Variants in B4GALT2 observed in about 807,000 individuals in gnomAD.
The protein encoded by B4GALT2 is N-acetyllactosamine synthase.
Under a neutral mutation model 33.2 loss-of-function variants are expected in B4GALT2, and 18 were observed. That is an observed-to-expected ratio of 0.54 (90% CI 0.38 to 0.80). The LOEUF (loss-of-function observed/expected upper bound fraction) is 0.80. Among genes scored for constraint, B4GALT2 ranks in the 30% least tolerant of loss-of-function variants. B4GALT2 has a pLI of 0.00. For synonymous variants in B4GALT2, 214 were observed against 217.6 expected (o/e 0.98, Z 0.15); for missense variants, 404 against 526.2 (o/e 0.77, Z 2.27).
intron 6 of B4GALT2, among the ~76,000 whole-genome samples, chr1:43,986,773 G>T (rs1464404443): frequency 6.6e-6 from 1 of 152,182 alleles, no homozygotes; most frequent in African/African-American, 2.4e-5. Flanking sequence ...GGCGGGGTGG[G>T]GTTTGTGTTT....
At chr1:43,985,433 T>C in intron 5 of B4GALT2, 33 bp downstream of exon 5, 2 of 143,548 alleles carry the variant, frequency 1.4e-5, no homozygotes, top group East Asian at 2.6e-4. Context: ...ATAGGCTGGG[T>C]GGGGGGGGGA....
Position 43,981,334 on chromosome 1 carries a change from TAGCAGCAGCAGC to T in B4GALT2, c.185_196del (p.Ser62_Ser65del). The T allele has an allele frequency of 6.2e-7, 1 of 1,601,402 alleles. No homozygotes were observed. The highest frequency in any genetic ancestry group is 2.2e-5 in the East Asian group (1 of 44,862). On this transcript the variant is annotated inframe_deletion, in exon 2 of 7. Coordinates refer to ENST00000372324, the MANE Select transcript of B4GALT2 (RefSeq NM_003780.5). The surrounding 1 kb of genome is among the most constrained non-coding windows in gnomAD (Gnocchi z 8.1). ...CTGCCCATGCCCTCCACCCAGCTGC[TAGCAGCAGCAGC>T]AGCAGCAGCAACTGCTCCCGGCCCA...
chr1:43,990,927 AG>A lies in B4GALT2; in HGVS notation c.*484del. 5.9e-6 allele frequency: 1 copy of A among 170,102 alleles called. No homozygotes were observed. The highest frequency in any genetic ancestry group is 1.3e-5 in the Non-Finnish European group (1 of 77,010). 10.5% of individuals were successfully genotyped at this position (170,102 alleles called of 1,614,324 possible). A position where few individuals can be genotyped will look rare whatever the true frequency, so the allele number is the denominator to read the frequency against. On this transcript the variant is annotated 3_prime_UTR_variant, in exon 7 of 7. Coordinates refer to ENST00000372324, the MANE Select transcript of B4GALT2 (RefSeq NM_003780.5). Reference sequence around the variant, plus strand: ...GGAAACCTTTTTCATTCAACATTGTAGGGGGCAAGCTTTGGTGCGCCCCCTG... The same window carrying A: ...GGAAACCTTTTTCATTCAACATTGTAGGGGCAAGCTTTGGTGCGCCCCCTG...
In B4GALT2 at chr1:43,979,739, C is replaced by G. The variant is rs972486385; in HGVS notation, c.-53+228C>G. On this transcript the variant is annotated intron_variant, in intron 1 of 6. Coordinates refer to ENST00000372324, the MANE Select transcript of B4GALT2 (RefSeq NM_003780.5). This position sits in a 1 kb window ranked among gnomAD's most constrained non-coding sequence, Gnocchi z 4.8. Reference sequence around the variant, plus strand: ...CCTCCCTCATTGTCCTCGCTCGCCCCGGCCTCGTGGCGCGGGGAGGCGTTC... The same window carrying G: ...CCTCCCTCATTGTCCTCGCTCGCCCGGGCCTCGTGGCGCGGGGAGGCGTTC... 1.4e-4 allele frequency: 54 copies of G among 397,210 alleles called. No homozygotes were observed. Among genetic ancestry groups the G allele is most frequent in the Admixed American group, 8.3e-4 (18 of 21,772 alleles). 24.6% of individuals were successfully genotyped at this position (397,210 alleles called of 1,614,324 possible).
chr1:43,987,951 T>C (rs2085677468), intron 6 of B4GALT2, among the ~76,000 whole-genome samples: 1 of 152,140 alleles, frequency 6.6e-6, no homozygotes. Flanking sequence ...CCCTCTTGTC[T>C]CTCTTAGCAC....
Position 43,982,432 on chromosome 1 carries a change from C to T in B4GALT2, c.549+508C>T, listed in dbSNP as rs913746083. 6.6e-5 allele frequency among the ~76,000 whole-genome samples: 10 copies of T among 152,154 alleles called. No individual in the cohort carries two copies. Among genetic ancestry groups the T allele is most frequent in the African/African-American group, 2.4e-4 (10 of 41,516 alleles). Reference sequence around the variant, plus strand: ...AGACCTCCTAGACTTGGACATGGGTCCCTCCCGTATGATGGGACACAAGTG... The same window carrying T: ...AGACCTCCTAGACTTGGACATGGGTTCCTCCCGTATGATGGGACACAAGTG... On this transcript the variant is annotated intron_variant, in intron 3 of 6. Transcript: ENST00000372324. This position sits in a 1 kb window ranked among gnomAD's most constrained non-coding sequence, Gnocchi z 4.3.
In B4GALT2 at chr1:43,981,508, A is replaced by G. The variant is rs763585302; in HGVS notation, c.313+35A>G. 1 of 1,538,946 alleles carries G rather than the reference A, an allele frequency of 6.5e-7. No individual in the cohort carries two copies. The highest frequency in any genetic ancestry group is 1.9e-5 in the Admixed American group (1 of 52,848). On this transcript the variant is annotated intron_variant, in intron 2 of 6. Coordinates refer to ENST00000372324, the MANE Select transcript of B4GALT2 (RefSeq NM_003780.5). The surrounding 1 kb of genome is among the most constrained non-coding windows in gnomAD (Gnocchi z 8.1). ...GAGGGTAGGGCCTGCCTGTGGGGAA[A>G]CAGGGTTTTATTGGTTTGACTAGAG...
At chr1:43,989,199 C>T (rs2085694201) in intron 6 of B4GALT2, among the ~76,000 whole-genome samples, 1 of 151,852 alleles carries the variant, frequency 6.6e-6, no homozygotes, top group East Asian at 1.9e-4. Context: ...ATACAAAAAT[C>T]AGCTGGCGCA....
In B4GALT2 at chr1:43,985,625, A is replaced by G. The variant is rs1186377167; in HGVS notation, c.968+4A>G. On this transcript the variant is annotated splice_donor_region_variant and intron_variant, in intron 6 of 6. Coordinates refer to ENST00000372324, the MANE Select transcript of B4GALT2 (RefSeq NM_003780.5). ...ATAACGAACCTAACCCTCAGAGGTGACCCCAGCACCCTCACCCCTTACTCC... is the reference window on the plus strand; with the variant it reads ...ATAACGAACCTAACCCTCAGAGGTGGCCCCAGCACCCTCACCCCTTACTCC... 6.2e-7 allele frequency: 1 copy of G among 1,613,190 alleles called. No homozygotes were observed. Among genetic ancestry groups the G allele is most frequent in the African/African-American group, 1.3e-5 (1 of 74,738 alleles).
chr1:43,986,740 T>C (rs2085663386), intron 6 of B4GALT2, among the ~76,000 whole-genome samples: 1 of 152,120 alleles, frequency 6.6e-6, no homozygotes, highest in South Asian at 2.1e-4. Flanking sequence ...TGGGGAGTCA[T>C]GGAAGAACCT....
rs947433955 is a variant in B4GALT2 at position 43,990,552 on chromosome 1, GCT to G, written c.*107_*108del. 40 of 1,496,408 alleles carry G rather than the reference GCT, an allele frequency of 2.7e-5. No individual in the cohort carries two copies. In the African/African-American group the frequency reaches 4.4e-4, roughly 17 times the overall value. 92.7% of individuals were successfully genotyped at this position (1,496,408 alleles called of 1,614,324 possible). A position where few individuals can be genotyped will look rare whatever the true frequency, so the allele number is the denominator to read the frequency against. On this transcript the variant is annotated 3_prime_UTR_variant, in exon 7 of 7. Transcript: ENST00000372324. ...GGAGGACCTCCAGGACTGAGACTGG[GCT>G]CTGTTTTCCAAGGGTCTTCACTAGG...
Position 43,981,101 on chromosome 1 carries a change from C to G in B4GALT2, c.-52-8C>G, listed in dbSNP as rs1171052047. On this transcript the variant is annotated splice_region_variant and splice_polypyrimidine_tract_variant and intron_variant, in intron 1 of 6. Coordinates refer to ENST00000372324, the MANE Select transcript of B4GALT2 (RefSeq NM_003780.5). This position sits in a 1 kb window ranked among gnomAD's most constrained non-coding sequence, Gnocchi z 8.1. Reference sequence around the variant, plus strand: ...CTGCTGGATCTGTTTCCCTCCCACCCTGCTCAGGCCAGCAGCCGGATGCCC... The same window carrying G: ...CTGCTGGATCTGTTTCCCTCCCACCGTGCTCAGGCCAGCAGCCGGATGCCC... The G allele has an allele frequency of 1.0e-5, 16 of 1,566,884 alleles. No individual in the cohort carries two copies. Among genetic ancestry groups the G allele is most frequent in the Non-Finnish European group, 1.4e-5 (16 of 1,162,602 alleles).
chr1:43,990,476 G>T lies in B4GALT2; in HGVS notation c.*28G>T. ...CTAATGGACAGAGGCTCTCGGTGCC[G>T]AAGATTGCCTGCCAGAGGACTGACC... On this transcript the variant is annotated 3_prime_UTR_variant, in exon 7 of 7. Transcript: ENST00000372324. The T allele has an allele frequency of 6.2e-7, 1 of 1,613,312 alleles. No homozygotes were observed. Among genetic ancestry groups the T allele is most frequent in the Non-Finnish European group, 8.5e-7 (1 of 1,179,848 alleles).
chr1:43,989,741 C>T (rs956449393), intron 6 of B4GALT2, among the ~76,000 whole-genome samples: 2 of 152,224 alleles, frequency 1.3e-5, no homozygotes, highest in Admixed American at 6.5e-5. Flanking sequence ...GAGAAAGTTA[C>T]TGAGATCAGT....
intron 6 of B4GALT2, among the ~76,000 whole-genome samples, chr1:43,989,320 CAA>C (rs34161254): frequency 5.8e-4 from 68 of 118,162 alleles, no homozygotes; most frequent in African/African-American, 1.9e-3. Flanking sequence ...TACTCTGTCT[CAA>C]AAAAAAAAAA....
intron 5 of B4GALT2, 28 bp from the exon 6 acceptor site, chr1:43,985,489 G>T: frequency 6.3e-7 from 1 of 1,596,442 alleles, no homozygotes; most frequent in South Asian, 1.1e-5. Context: ...CCTGGAGCCT[G>T]TTCCAGTCTG....
chr1:43,985,681 T>C, intron 6 of B4GALT2, 60 bp downstream of exon 6: 2 of 1,540,900 alleles, frequency 1.3e-6, no homozygotes, highest in Middle Eastern at 1.7e-4. Flanking sequence ...TCCCCAACTC[T>C]TGACCCCAAG....
intron 4 of B4GALT2, 107 bp from the exon 5 acceptor site, chr1:43,985,171 C>A: frequency 6.4e-7 from 1 of 1,563,026 alleles, no homozygotes; most frequent in Non-Finnish European, 8.7e-7. Context: ...ACTGGCGAGG[C>A]TGGATCCTCC....
rs1245034200 is a variant in B4GALT2, at chr1:43,981,939, G to A, written c.549+15G>A. 4 of 1,611,550 alleles carry A rather than the reference G, an allele frequency of 2.5e-6. No individual in the cohort carries two copies. The highest frequency in any genetic ancestry group is 3.4e-6 in the Non-Finnish European group (4 of 1,178,280). On this transcript the variant is annotated intron_variant, in intron 3 of 6. Coordinates refer to ENST00000372324, the MANE Select transcript of B4GALT2 (RefSeq NM_003780.5). This position sits in a 1 kb window ranked among gnomAD's most constrained non-coding sequence, Gnocchi z 8.1. ...TCATCAACCAGGTGCCCATGCGGGGGTCCATGTGCCTGTTGGTGTATATAT... is the reference window on the plus strand; with the variant it reads ...TCATCAACCAGGTGCCCATGCGGGGATCCATGTGCCTGTTGGTGTATATAT...
Sources: gnomAD v4.1 joint callset for allele counts (sites outside exome capture counted in the v4.1 genomes callset) on GRCh38, gnomAD v4.1.1 for gene constraint, Gnocchi (gnomAD v3.1) non-coding constraint, MANE v1.5 for transcripts, NCBI Gene and HGNC (gene_info 2026-07-23, HGNC 2026-07-21) for gene names.